Variants in NFIB observed in about 807,000 individuals in gnomAD.
The protein encoded by NFIB is nuclear factor I B.
A neutral mutation model predicts 61.5 loss-of-function variants in NFIB; 11 were observed. The ratio of observed to expected loss-of-function variants is 0.18; its 90% CI spans 0.11 to 0.30. The LOEUF (loss-of-function observed/expected upper bound fraction) is 0.30. Ranked by LOEUF, NFIB falls within the 10% of genes least tolerant of loss-of-function variation. The pLI is 1.00. For missense variants in NFIB, 471 were observed against 608.9 expected, an observed-to-expected ratio of 0.77 and a Z score of 2.38; for synonymous variants, 260 against 216.5, an observed-to-expected ratio of 1.20 and a Z score of -1.76.
At chr9:14,443,788 C>G in the NFIB span, among the ~76,000 whole-genome samples, 5 of 152,160 alleles carry the variant, frequency 3.3e-5, no homozygotes, top group Non-Finnish European at 5.9e-5. Flanking sequence ...ACTGTAATAT[C>G]CGTGAAGACA....
At chr9:14,310,784 A>G (rs1024315700) in intron 1 of NFIB, among the ~76,000 whole-genome samples, 1 of 152,192 alleles carries the variant, frequency 6.6e-6, no homozygotes, top group Non-Finnish European at 1.5e-5. Flanking sequence ...AAATTGACAA[A>G]GTAAATAACA....
intron 10 of NFIB, 80 bp downstream of exon 10, chr9:14,112,919 T>A: frequency 7.3e-7 from 1 of 1,371,548 alleles, no homozygotes; most frequent in Non-Finnish European, 1.0e-6. Flanking sequence ...CCCTTCTGAG[T>A]CCGGATCTGA....
At chr9:14,410,301 C>T in the NFIB span, among the ~76,000 whole-genome samples, 1 of 152,112 alleles carries the variant, frequency 6.6e-6, no homozygotes, top group Non-Finnish European at 1.5e-5. Flanking sequence ...CTTCATAGCT[C>T]CATATTTTCA....
chr9:14,427,888 C>G, the NFIB span, among the ~76,000 whole-genome samples: 11 of 138,398 alleles, frequency 7.9e-5, no homozygotes, highest in Non-Finnish European at 1.4e-4. Flanking sequence ...AATTCCCCTG[C>G]CACTTCTTCT....
chr9:14,386,634 A>C (rs577991602), intron 1 of NFIB, among the ~76,000 whole-genome samples: 1 of 152,196 alleles, frequency 6.6e-6, no homozygotes, highest in South Asian at 2.1e-4. Context: ...CAGTGTTATT[A>C]TTTCTGCTTT....
At chr9:14,349,864 C>T (rs2061083921) in intron 1 of NFIB, among the ~76,000 whole-genome samples, 1 of 152,156 alleles carries the variant, frequency 6.6e-6, no homozygotes, top group African/African-American at 2.4e-5. Context: ...CCCCCGCCTC[C>T]CTTAAAAAAA....
the NFIB span, among the ~76,000 whole-genome samples, chr9:14,440,276 C>G: frequency 6.6e-6 from 1 of 152,150 alleles, no homozygotes; most frequent in Non-Finnish European, 1.5e-5. Context: ...AGAGCACACG[C>G]TGACTAGATT....
intron 1 of NFIB, among the ~76,000 whole-genome samples, chr9:14,370,595 T>G (rs757076959): frequency 2.0e-5 from 3 of 152,208 alleles, no homozygotes; most frequent in Admixed American, 1.3e-4. Context: ...ACAACCTGGT[T>G]CCATAACAAA....
chr9:14,095,735 C>G (rs2034670148), intron 10 of NFIB, among the ~76,000 whole-genome samples: 1 of 151,946 alleles, frequency 6.6e-6, no homozygotes, highest in South Asian at 2.1e-4. Flanking sequence ...CACAATTTTA[C>G]CTCTTAAAGG....
intron 2 of NFIB, among the ~76,000 whole-genome samples, chr9:14,219,954 T>C (rs558598061): frequency 3.6e-4 from 55 of 152,314 alleles, no homozygotes; most frequent in African/African-American, 1.3e-3. Context: ...AACTTCACTA[T>C]GAGAGGATGG....
At chr9:14,122,965 C>G (rs117572438) in intron 7 of NFIB, among the ~76,000 whole-genome samples, 1,692 of 152,090 alleles carry the variant, frequency 0.011, 20 homozygotes, top group Non-Finnish European at 0.017. Flanking sequence ...ATAAGAAAAG[C>G]AGGCCAGGCA....
At chr9:14,419,651 CA>C in the NFIB span, among the ~76,000 whole-genome samples, 1 of 152,198 alleles carries the variant, frequency 6.6e-6, no homozygotes, top group Admixed American at 6.5e-5. Flanking sequence ...TGTCTTCAGA[CA>C]TTTCAGTATG....
intron 9 of NFIB, 114 bp from the exon 10 acceptor site, chr9:14,113,195 T>C (rs764534893): frequency 2.1e-5 from 15 of 726,806 alleles, no homozygotes; most frequent in Non-Finnish European, 3.2e-5. Flanking sequence ...AAAAAAAGTG[T>C]CTTCATTTCT....
At position 14,153,634 on chromosome 9, in the gene NFIB, C is replaced by G. The variant is rs73411946; in HGVS notation, c.685+2191G>C. 2.8e-3 allele frequency among the ~76,000 whole-genome samples: 420 copies of G among 152,144 alleles called. 3 individuals are homozygous for G. Among genetic ancestry groups the G allele is most frequent in the African/African-American group, 9.3e-3 (388 of 41,528 alleles). On this transcript the variant is annotated intron_variant, in intron 4 of 10. Transcript: ENST00000380953. ...TATCATTCAAAAGAGAGATCACTAT[C>G]CTAATGCTGAATGGCTTCATTAGCT...
intron 2 of NFIB, among the ~76,000 whole-genome samples, chr9:14,193,954 CTCAA>C (rs1187220640): frequency 2.0e-5 from 3 of 152,174 alleles, no homozygotes; most frequent in African/African-American, 4.8e-5. Context: ...CATCCTCTCT[CTCAA>C]TCATTTTGAA....
At chr9:14,109,657 A>G (rs2037058447) in intron 10 of NFIB, among the ~76,000 whole-genome samples, 1 of 152,136 alleles carries the variant, frequency 6.6e-6, no homozygotes, top group Non-Finnish European at 1.5e-5. Flanking sequence ...CTAGACTTGA[A>G]AAGTATTCAA....
intron 10 of NFIB, among the ~76,000 whole-genome samples, chr9:14,108,139 C>T (rs74985290): frequency 0.016 from 2,402 of 152,126 alleles, 66 homozygotes; most frequent in African/African-American, 0.053. Context: ...GAAAAGTGAC[C>T]TCTTATCCAC....
intron 1 of NFIB, among the ~76,000 whole-genome samples, chr9:14,319,682 G>T (rs2060620135): frequency 6.6e-6 from 1 of 152,188 alleles, no homozygotes; most frequent in African/African-American, 2.4e-5. Context: ...GGTATAGAAA[G>T]CTCTGTCCAA....
intron 4 of NFIB, 113 bp from the exon 5 acceptor site, chr9:14,150,378 T>C: frequency 1.3e-6 from 2 of 1,543,460 alleles, no homozygotes; most frequent in South Asian, 1.3e-5. Flanking sequence ...GAGAACTTTC[T>C]TCACCTTAAG....
Sources: gnomAD v4.1 joint callset for allele counts (sites outside exome capture counted in the v4.1 genomes callset) on GRCh38, gnomAD v4.1.1 for gene constraint, MANE v1.5 for transcripts, NCBI Gene and HGNC (gene_info 2026-07-23, HGNC 2026-07-21) for gene names.